Variants in C4orf54 observed in about 807,000 individuals in gnomAD.
C4orf54 encodes the protein chromosome 4 open reading frame 54, also known as uncharacterized protein C4orf54.
A neutral mutation model predicts 80.1 loss-of-function variants in C4orf54; 67 were observed. The ratio of observed to expected loss-of-function variants is 0.84; its 90% CI spans 0.69 to 1.03. The LOEUF (loss-of-function observed/expected upper bound fraction) is 1.03. Among genes scored for constraint, C4orf54 ranks in the 50% least tolerant of loss-of-function variants. The pLI is 0.00. For missense variants in C4orf54, 2,434 were observed against 2,253.5 expected (o/e 1.08, Z -1.62); for synonymous variants, 1,000 against 917.0 (o/e 1.09, Z -1.64).
chr4:99,650,624 C>A lies in C4orf54; in HGVS notation c.4025G>T (p.Arg1342Leu). Reference protein sequence around the residue: ...LRGAPIERLQRRNSNPSAESV... With the variant: ...LRGAPIERLQLRNSNPSAESV... ...CTCAGCGCTGGGGTTGGAGTTTCTC[C>A]GCTGCAGACGTTCTATGGGGGCCCC... The change falls in exon 2 of 3, where the codon CGG (arginine) becomes CTG (leucine). Residue 1342 changes from arginine to leucine, a missense_variant. By Grantham distance (102) the Arg-to-Leu change is moderately radical. Coordinates refer to ENST00000511828, the MANE Select transcript of C4orf54 (RefSeq NM_001354435.2). 3 of 1,535,968 alleles carry A rather than the reference C, an allele frequency of 2.0e-6. No homozygotes were observed. The highest frequency in any genetic ancestry group is 2.6e-6 in the Non-Finnish European group (3 of 1,146,888).
chr4:99,649,832 T>C lies in C4orf54; in HGVS notation c.4817A>G (p.Gln1606Arg), dbSNP rs1273798751. 6.5e-7 allele frequency: 1 copy of C among 1,535,158 alleles called. No homozygotes were observed. The highest frequency in any genetic ancestry group is 1.4e-5 in the African/African-American group (1 of 72,990). Residue 1606 changes from glutamine to arginine, a missense_variant, in exon 2 of 3, where the codon CAA (glutamine) becomes CGA (arginine). Transcript: ENST00000511828. ...PTDPFQQAQPQQTQRKMLLDV... is the reference protein window; with the variant it reads ...PTDPFQQAQPRQTQRKMLLDV... ...CAGGAGCATCTTACGCTGGGTCTGTTGAGGCTGTGCCTGCTGGAAGGGGTC... is the reference window on the plus strand; with the variant it reads ...CAGGAGCATCTTACGCTGGGTCTGTCGAGGCTGTGCCTGCTGGAAGGGGTC...
rs375081315 is a variant in C4orf54 at position 99,649,594 on chromosome 4, G to A, written c.5055C>T (p.Thr1685=). The change falls in exon 2 of 3, where the codon ACC becomes ACT. Residue 1685 remains threonine (T), a synonymous_variant. Coordinates refer to ENST00000511828, the MANE Select transcript of C4orf54 (RefSeq NM_001354435.2). Reference sequence around the variant, plus strand: ...GCTGCAGAGCATTGGTGGGCAGCACGGTAGGCAGAAACCCAGGGTAAATCA... The same window carrying A: ...GCTGCAGAGCATTGGTGGGCAGCACAGTAGGCAGAAACCCAGGGTAAATCA... ...TYMIYPGFLP[T]VLPTNALQPT... is the part of the protein sequence containing the mutation. 89 of 1,536,030 alleles carry A rather than the reference G, an allele frequency of 5.8e-5. No homozygotes were observed. The highest frequency in any genetic ancestry group is 3.9e-4 in the East Asian group (16 of 40,930).
rs1294131579 is a variant in C4orf54, at chr4:99,649,417, T to C, written c.5232A>G (p.Ala1744=). ...TGGCCCCTAGGAGCTGGGATGTGGC[T>C]GCTGGGGCTGAGGAGGTTGAGGAGG... is the stretch of plus-strand genomic sequence containing the variant. ...SPASSTSSAP[A]ATSQLLGAKA... The change falls in exon 2 of 3, where the codon GCA becomes GCG. Residue 1744 remains alanine (A), a synonymous_variant. Coordinates refer to ENST00000511828, the MANE Select transcript of C4orf54 (RefSeq NM_001354435.2). 6.5e-7 allele frequency: 1 copy of C among 1,536,170 alleles called. No individual in the cohort carries two copies. Among genetic ancestry groups the C allele is most frequent in the South Asian group, 1.2e-5 (1 of 84,060 alleles).
intron 1 of C4orf54, among the ~76,000 whole-genome samples, chr4:99,654,967 C>A (rs1279101118): frequency 6.6e-6 from 1 of 152,168 alleles, no homozygotes; most frequent in East Asian, 1.9e-4. Context: ...AAATAAAATT[C>A]AAATTTTTCA....
chr4:99,650,348 C>T lies in C4orf54; in HGVS notation c.4301G>A (p.Gly1434Glu), dbSNP rs531909896. The change falls in exon 2 of 3, where the codon GGA becomes GAA. Residue 1434 changes from glycine to glutamate, a missense_variant. Physicochemically the swap from Gly to Glu is moderately conservative, Grantham distance 98 (BLOSUM62 -2). Transcript: ENST00000511828. ...PSAAKGIKSQ[G>E]LRSLKISPAT... ...TGGAGAGATCTTGAGGGACCGGAGTCCCTGCGACTTGATGCCCTTAGCTGC... is the reference window on the plus strand; with the variant it reads ...TGGAGAGATCTTGAGGGACCGGAGTTCCTGCGACTTGATGCCCTTAGCTGC... 3.9e-6 allele frequency: 6 copies of T among 1,536,080 alleles called. No homozygotes were observed. The highest frequency in any genetic ancestry group is 2.7e-5 in the African/African-American group (2 of 73,142).
At chr4:99,645,474 T>C (rs1726686945) in intron 2 of C4orf54, among the ~76,000 whole-genome samples, 1 of 150,550 alleles carries the variant, frequency 6.6e-6, no homozygotes, top group Non-Finnish European at 1.5e-5. Flanking sequence ...TCTCTTAGGC[T>C]GATATCCACT....
At position 99,653,511 on chromosome 4, in the gene C4orf54, G is replaced by T; in HGVS notation, c.1138C>A (p.Gln380Lys). Residue 380 changes from glutamine (Q) to lysine (K), a missense_variant, in exon 2 of 3, where the codon CAG becomes AAG. Coordinates refer to ENST00000511828, the MANE Select transcript of C4orf54 (RefSeq NM_001354435.2). ...THEIQLSEVE[Q>K]DMDFDVGLAS... The stretch of plus-strand genomic sequence containing the variant: ...AGTCCCACGTCGAAATCCATGTCCT[G>T]TTCCACCTCACTCAGCTGGATCTCA... The T allele has an allele frequency of 6.5e-7, 1 of 1,536,092 alleles. No individual in the cohort carries two copies. The highest frequency in any genetic ancestry group is 8.7e-7 in the Non-Finnish European group (1 of 1,146,902).
chr4:99,644,771 TGAG>T (rs1726671608), intron 2 of C4orf54, among the ~76,000 whole-genome samples: 4 of 137,202 alleles, frequency 2.9e-5, no homozygotes, highest in African/African-American at 8.2e-5. Context: ...ACAAAAAAAG[TGAG>T]GAGAAGGGAA....
chr4:99,649,377 G>T lies in C4orf54; in HGVS notation c.5272C>A (p.Leu1758Met), dbSNP rs561316656. Residue 1758 changes from leucine to methionine, a missense_variant, in exon 2 of 3, where the codon CTG becomes ATG. Transcript: ENST00000511828. ...ATGCTGATGACAGGCTTGCCATGCA[G>T]CTGGGCAAAGGCCTTGGCCCCTAGG... ...QLLGAKAFAQ[L>M]HGKPVISITS... 4.6e-6 allele frequency: 7 copies of T among 1,536,018 alleles called. No homozygotes were observed. Among genetic ancestry groups the T allele is most frequent in the Admixed American group, 2.0e-5 (1 of 50,982 alleles).
In C4orf54 at chr4:99,652,778, C is replaced by G; in HGVS notation, c.1871G>C (p.Arg624Pro). The change falls in exon 2 of 3, where the codon CGT becomes CCT. Residue 624 changes from arginine (R) to proline (P), a missense_variant. Arg to Pro is a moderately radical substitution (Grantham distance 103). Transcript: ENST00000511828. ...CCGGAAGGCCCGGGAGGTCAGGTTACGCACCTCTTTGTCCGCATCGTCCAG... is the reference window on the plus strand; with the variant it reads ...CCGGAAGGCCCGGGAGGTCAGGTTAGGCACCTCTTTGTCCGCATCGTCCAG... The part of the protein sequence containing the change: ...SELDDADKEV[R>P]NLTSRAFRSL... 3 of 1,536,106 alleles carry G rather than the reference C, an allele frequency of 2.0e-6. No individual in the cohort carries two copies. Among genetic ancestry groups the G allele is most frequent in the South Asian group, 1.2e-5 (1 of 84,050 alleles).
At position 99,652,753 on chromosome 4, in the gene C4orf54, C is replaced by T; in HGVS notation, c.1896G>A (p.Arg632=). The change falls in exon 2 of 3, where the codon CGG becomes CGA. Residue 632 remains arginine (R), a synonymous_variant. Transcript: ENST00000511828. ...CCTCAAAGTAGGGGTAAGCCAGGCT[C>T]CGGAAGGCCCGGGAGGTCAGGTTAC... ...EVRNLTSRAF[R]SLAYPYFEAL... The T allele has an allele frequency of 1.3e-6, 2 of 1,536,048 alleles. No individual in the cohort carries two copies. Among genetic ancestry groups the T allele is most frequent in the Non-Finnish European group, 1.7e-6 (2 of 1,146,882 alleles).
At position 99,638,482 on chromosome 4, in the gene C4orf54, C is replaced by T. The variant is rs2110245603; in HGVS notation, c.*2751G>A. Reference sequence around the variant, plus strand: ...CTAAGAGGATATTATAAAAGCCAGACTCTGCAATTCTGATTAGATTCAAGT... The same window carrying T: ...CTAAGAGGATATTATAAAAGCCAGATTCTGCAATTCTGATTAGATTCAAGT... On this transcript the variant is annotated 3_prime_UTR_variant, in exon 3 of 3. Coordinates refer to ENST00000511828, the MANE Select transcript of C4orf54 (RefSeq NM_001354435.2). 6.6e-6 allele frequency: 1 copy of T among 152,206 alleles called. No individual in the cohort carries two copies. The highest frequency in any genetic ancestry group is 2.1e-4 in the South Asian group (1 of 4,828). The allele number at this position is 152,206 out of a possible 1,614,324, so 9.4% of individuals were successfully genotyped here.
rs2110254008 is a variant in C4orf54 at position 99,651,179 on chromosome 4, G to A, written c.3470C>T (p.Ala1157Val). ...GCTGTCTTCCCTCTGGTTCACTACA[G>A]CCTGGCATGTAATCACCATGGGGGA... is the stretch of plus-strand genomic sequence containing the variant. ...SLSPMVITCQ[A>V]VVNQREDSMD... Residue 1157 changes from alanine (A) to valine (V), a missense_variant, in exon 2 of 3, where the codon GCT (alanine) becomes GTT (valine). Ala to Val is a moderately conservative substitution (Grantham distance 64). Transcript: ENST00000511828. 1 of 1,536,138 alleles carries A rather than the reference G, an allele frequency of 6.5e-7. No individual in the cohort carries two copies. The highest frequency in any genetic ancestry group is 8.7e-7 in the Non-Finnish European group (1 of 1,146,910).
intron 2 of C4orf54, among the ~76,000 whole-genome samples, chr4:99,648,421 A>T (rs1167059899): frequency 1.3e-5 from 2 of 152,210 alleles, no homozygotes; most frequent in Non-Finnish European, 2.9e-5. Context: ...CAGACATGAA[A>T]ATAACAGTCT....
rs1480841177 is a variant in C4orf54 at position 99,639,649 on chromosome 4, A to G, written c.*1584T>C. ...CGCCTCAAACCTTTCCCTATACCCA[A>G]GAGAACTTTTTTTCAGAGTAAGATC... On this transcript the variant is annotated 3_prime_UTR_variant, in exon 3 of 3. Transcript: ENST00000511828. 1 of 152,100 alleles carries G rather than the reference A, an allele frequency of 6.6e-6. No homozygotes were observed. Among genetic ancestry groups the G allele is most frequent in the East Asian group, 1.9e-4 (1 of 5,196 alleles). The allele number at this position is 152,100 out of a possible 1,614,324, so 9.4% of individuals were successfully genotyped here.
Position 99,653,418 on chromosome 4 carries a change from C to G in C4orf54, c.1231G>C (p.Gly411Arg), listed in dbSNP as rs1156448443. 2 of 1,536,250 alleles carry G rather than the reference C, an allele frequency of 1.3e-6. No individual in the cohort carries two copies. Among genetic ancestry groups the G allele is most frequent in the African/African-American group, 2.7e-5 (2 of 73,144 alleles). ...YSFVDYASFG[G>R]SDETPGDITS... is the part of the protein sequence containing the mutation. Reference sequence around the variant, plus strand: ...ATGTCCCCTGGGGTCTCGTCGCTGCCACCAAAGGAAGCATAATCCACGAAC... The same window carrying G: ...ATGTCCCCTGGGGTCTCGTCGCTGCGACCAAAGGAAGCATAATCCACGAAC... Residue 411 changes from glycine (G) to arginine (R), a missense_variant, in exon 2 of 3, where the codon GGC (glycine) becomes CGC (arginine). Coordinates refer to ENST00000511828, the MANE Select transcript of C4orf54 (RefSeq NM_001354435.2).
chr4:99,653,048 CTAGGCTCATT>C lies in C4orf54; in HGVS notation c.1591_1600del (p.Asn531AlafsTer19). On this transcript the variant is annotated frameshift_variant, in exon 2 of 3. Coordinates refer to ENST00000511828, the MANE Select transcript of C4orf54 (RefSeq NM_001354435.2). LOFTEE classifies it high-confidence loss of function. ...AATGTTTTGCTTTGCACGCACGTTG[CTAGGCTCATT>C]TATAGCCCGGGAAGCCGGTTTGATT... 1 of 1,536,178 alleles carries C rather than the reference CTAGGCTCATT, an allele frequency of 6.5e-7. No homozygotes were observed. Among genetic ancestry groups the C allele is most frequent in the Non-Finnish European group, 8.7e-7 (1 of 1,146,904 alleles).
rs1727001465 is a variant in C4orf54 at position 99,657,638 on chromosome 4, T to G, written c.-175A>C. ...AACCACAAATTCTCTTTAAAAACCA[T>G]GTGAGCTGAAAATTTTGAATAGAAC... On this transcript the variant is annotated 5_prime_UTR_variant, in exon 1 of 3. It removes an upstream start codon present in the reference 5' UTR. Transcript: ENST00000511828. Among the ~76,000 whole-genome samples the G allele has an allele frequency of 6.6e-6, 1 of 152,206 alleles. No homozygotes were observed. The highest frequency in any genetic ancestry group is 1.9e-4 in the East Asian group (1 of 5,200).
chr4:99,648,554 A>T (rs1726737769), intron 2 of C4orf54, among the ~76,000 whole-genome samples: 1 of 145,740 alleles, frequency 6.9e-6, no homozygotes, highest in African/African-American at 2.6e-5. Flanking sequence ...TAGAGAACAA[A>T]GTGTGTGTGT....
Sources: gnomAD v4.1 joint callset for allele counts (sites outside exome capture counted in the v4.1 genomes callset) on GRCh38, gnomAD v4.1.1 for gene constraint, MANE v1.5 for transcripts, NCBI Gene and HGNC (gene_info 2026-07-23, HGNC 2026-07-21) for gene names.